Variants in AGL observed in about 807,000 individuals in gnomAD.
The protein encoded by AGL is glycogen debranching enzyme.
A neutral mutation model predicts 199.3 loss-of-function variants in AGL; 128 were observed. The ratio of observed to expected loss-of-function variants is 0.64; its 90% CI spans 0.56 to 0.74. AGL has a LOEUF of 0.74. AGL is among the 30% of genes least tolerant of loss of function. AGL has a pLI of 0.00. For missense variants in AGL, 1,809 were observed against 1,820.8 expected (o/e 0.99, Z 0.12); for synonymous variants, 584 against 594.7 (o/e 0.98, Z 0.26).
rs1300198233 is a variant in AGL, at chr1:99,862,382, TTGA to T, written c.423_425del (p.Asp141del). 1 of 1,614,024 alleles carries T rather than the reference TTGA, an allele frequency of 6.2e-7. No individual in the cohort carries two copies. Among genetic ancestry groups the T allele is most frequent in the African/African-American group, 1.3e-5 (1 of 74,928 alleles). ...TTTTTAGCTAAGTGTTTGGGACCTTTTGATGAATGGGAAAGCAGACTTAGGGTT... is the reference window on the plus strand; with the variant it reads ...TTTTTAGCTAAGTGTTTGGGACCTTTTGAATGGGAAAGCAGACTTAGGGTT... On this transcript the variant is annotated inframe_deletion, in exon 4 of 34. Transcript: ENST00000361915.
At chr1:99,899,617 CTTTCT>C (rs1399051274) in intron 25 of AGL, among the ~76,000 whole-genome samples, 3 of 123,678 alleles carry the variant, frequency 2.4e-5, no homozygotes, top group East Asian at 2.8e-4. Context: ...TTCCTTCTTT[CTTTCT>C]TTTCTTTCTT....
At chr1:99,894,815 A>G (rs1011617613) in intron 24 of AGL, among the ~76,000 whole-genome samples, 1 of 152,274 alleles carries the variant, frequency 6.6e-6, no homozygotes, top group South Asian at 2.1e-4. Flanking sequence ...GGTATATATT[A>G]TATACAGTTA....
chr1:99,893,321 A>T (rs574682026), intron 24 of AGL, among the ~76,000 whole-genome samples: 38 of 152,364 alleles, frequency 2.5e-4, no homozygotes, highest in Admixed American at 5.2e-4. Context: ...CCAGATAAAA[A>T]GACTTAGTGA....
chr1:99,894,615 G>A (rs1653163038), intron 24 of AGL, among the ~76,000 whole-genome samples: 1 of 152,056 alleles, frequency 6.6e-6, no homozygotes, highest in Admixed American at 6.5e-5. Context: ...AGACAACATA[G>A]GTAGGAAAAA....
intron 31 of AGL, 56 bp from the exon 32 acceptor site, chr1:99,916,354 T>A: frequency 7.3e-7 from 1 of 1,362,056 alleles, no homozygotes; most frequent in Non-Finnish European, 1.0e-6. Context: ...TTTCTAATGC[T>A]TTTTACATAA....
chr1:99,862,790 T>TC (rs1429319717), intron 4 of AGL, among the ~76,000 whole-genome samples: 1 of 152,166 alleles, frequency 6.6e-6, no homozygotes, highest in Non-Finnish European at 1.5e-5. Flanking sequence ...ACCTCTGTGA[T>TC]CAAACACCTC....
intron 24 of AGL, among the ~76,000 whole-genome samples, chr1:99,892,996 C>T (rs1653026568): frequency 6.6e-6 from 1 of 151,956 alleles, no homozygotes. Flanking sequence ...TAAAACAAAA[C>T]AGATGTTAAA....
Position 99,922,924 on chromosome 1 carries a change from C to T in AGL, c.*1273C>T, listed in dbSNP as rs1655608507. The T allele has an allele frequency of 6.6e-6, 1 of 151,910 alleles. No homozygotes were observed. The highest frequency in any genetic ancestry group is 2.4e-5 in the African/African-American group (1 of 41,380). 9.4% of individuals were successfully genotyped at this position (151,910 alleles called of 1,614,324 possible). On this transcript the variant is annotated 3_prime_UTR_variant, in exon 34 of 34. Coordinates refer to ENST00000361915, the MANE Select transcript of AGL (RefSeq NM_000642.3). ...TAGTTTACAGGTTACATACCCAAAACCTTAACTATGACTAAGAAATTAAAG... is the reference window on the plus strand; with the variant it reads ...TAGTTTACAGGTTACATACCCAAAATCTTAACTATGACTAAGAAATTAAAG...
rs185315294 is a variant in AGL at position 99,899,775 on chromosome 1, T to C, written c.3363-861T>C. ...AGCTGGGATTACAGGTGCCTGCCAC[T>C]ACGCCCGGCTAATTTTTTGTGTTTT... On this transcript the variant is annotated intron_variant, in intron 25 of 33. Coordinates refer to ENST00000361915, the MANE Select transcript of AGL (RefSeq NM_000642.3). Among the ~76,000 whole-genome samples the C allele has an allele frequency of 9.4e-3, 1,431 of 151,446 alleles. 28 individuals carry two copies. The highest frequency in any genetic ancestry group is 0.032 in the African/African-American group (1,327 of 41,264).
At chr1:99,865,616 C>G (rs1195128938) in intron 5 of AGL, among the ~76,000 whole-genome samples, 3 of 152,142 alleles carry the variant, frequency 2.0e-5, no homozygotes, top group Non-Finnish European at 4.4e-5. Context: ...TGGGTTTAAC[C>G]CAGTTTACCT....
chr1:99,891,447 C>G (rs911820739), intron 22 of AGL, 91 bp downstream of exon 22: 1 of 1,536,962 alleles, frequency 6.5e-7, no homozygotes, highest in South Asian at 1.1e-5. Context: ...GTTTTCTAAC[C>G]TGAACCATTT....
chr1:99,902,880 G>T (rs1411195957), intron 27 of AGL, 86 bp downstream of exon 27: 1 of 1,009,344 alleles, frequency 9.9e-7, no homozygotes, highest in Non-Finnish European at 1.5e-6. Flanking sequence ...ATATTTGTGT[G>T]CCAAACCTCA....
chr1:99,902,660 A>G lies in AGL; in HGVS notation c.3589-23A>G, dbSNP rs1653933676. ...GAAAAATGTAATTTCTAACAGAGGT[A>G]ACACCCATTATGTCTCAAACAGGAT... On this transcript the variant is annotated intron_variant, in intron 26 of 33. Coordinates refer to ENST00000361915, the MANE Select transcript of AGL (RefSeq NM_000642.3). 3 of 1,545,852 alleles carry G rather than the reference A, an allele frequency of 1.9e-6. No homozygotes were observed. In the East Asian group the frequency reaches 6.7e-5, roughly 35 times the overall value.
At chr1:99,897,094 C>A (rs564854661) in intron 25 of AGL, among the ~76,000 whole-genome samples, 1 of 152,294 alleles carries the variant, frequency 6.6e-6, no homozygotes, top group South Asian at 2.1e-4. Flanking sequence ...GGATTACAGG[C>A]GTGAGCCACC....
At chr1:99,906,262 T>G (rs1490177231) in intron 27 of AGL, among the ~76,000 whole-genome samples, 2 of 152,222 alleles carry the variant, frequency 1.3e-5, no homozygotes, top group Non-Finnish European at 2.9e-5. Flanking sequence ...CTTATTTCAC[T>G]TAGCATAATT....
intron 30 of AGL, 98 bp downstream of exon 30, chr1:99,913,836 A>C: frequency 1.7e-6 from 2 of 1,158,224 alleles, no homozygotes. Context: ...TCATTGCTAA[A>C]AAGTAGTATA....
chr1:99,862,543 G>A, intron 4 of AGL, 120 bp downstream of exon 4: 4 of 1,061,952 alleles, frequency 3.8e-6, no homozygotes, highest in South Asian at 1.3e-5. Flanking sequence ...AGAACTACCT[G>A]AGACTGGGTA....
intron 28 of AGL, 39 bp from the exon 29 acceptor site, chr1:99,912,366 C>A (rs201046849): frequency 6.6e-7 from 1 of 1,519,904 alleles, no homozygotes; most frequent in Non-Finnish European, 9.1e-7. Context: ...ACTTAAAGGA[C>A]GCCAACTTAA....
In AGL at chr1:99,916,451, A is replaced by G. The variant is rs775357608; in HGVS notation, c.4301A>G (p.Asn1434Ser). Reference protein sequence around the residue: ...YCGIYDNALDNDNYNLAKGFN... With the variant: ...YCGIYDNALDSDNYNLAKGFN... ...GGAATTTATGACAATGCATTAGACA[A>G]TGACAACTACAATCTTGCTAAAGGT... Residue 1434 changes from asparagine (N) to serine (S), a missense_variant, in exon 32 of 34, where the codon AAT (asparagine) becomes AGT (serine). Physicochemically the swap from Asn to Ser is conservative, Grantham distance 46. Coordinates refer to ENST00000361915, the MANE Select transcript of AGL (RefSeq NM_000642.3). 30 of 1,612,714 alleles carry G rather than the reference A, an allele frequency of 1.9e-5. No individual in the cohort carries two copies. Among genetic ancestry groups the G allele is most frequent in the African/African-American group, 5.3e-5 (4 of 74,906 alleles).
Sources: gnomAD v4.1 joint callset for allele counts (sites outside exome capture counted in the v4.1 genomes callset) on GRCh38, gnomAD v4.1.1 for gene constraint, MANE v1.5 for transcripts, NCBI Gene and HGNC (gene_info 2026-07-23, HGNC 2026-07-21) for gene names.